SPATS2: variants seen among roughly 807,000 people sequenced by gnomAD.
SPATS2 encodes spermatogenesis associated serine rich 2.
SPATS2 carries 38 observed loss-of-function variants against 63.7 expected under a neutral mutation model. The ratio of observed to expected loss-of-function variants is 0.60; its 90% CI spans 0.46 to 0.78. The LOEUF is 0.78. Ranked by LOEUF, SPATS2 falls within the 30% of genes least tolerant of loss-of-function variation. SPATS2 has a pLI of 0.00. For missense variants in SPATS2, 588 were observed against 666.2 expected (o/e 0.88, Z 1.29); for synonymous variants, 207 against 232.9 (o/e 0.89, Z 1.01).
intron 2 of SPATS2, among the ~76,000 whole-genome samples, chr12:49,455,532 C>T (rs562503484): frequency 6.6e-6 from 1 of 152,152 alleles, no homozygotes; most frequent in East Asian, 1.9e-4. Context: ...CTTAGCCTTC[C>T]GAGTAGCTGG....
At chr12:49,450,860 TGTTTTG>T (rs1945609942) in intron 2 of SPATS2, among the ~76,000 whole-genome samples, 1 of 150,382 alleles carries the variant, frequency 6.6e-6, no homozygotes, top group African/African-American at 2.4e-5. Flanking sequence ...TGTTTTGTTT[TGTTTTG>T]TTTTTTGTTT....
intron 2 of SPATS2, among the ~76,000 whole-genome samples, chr12:49,379,165 C>T (rs1944164041): frequency 6.7e-6 from 1 of 149,034 alleles, no homozygotes; most frequent in African/African-American, 2.5e-5. Flanking sequence ...CATGATCCAC[C>T]CACCTCGGCC....
chr12:49,524,552 A>T, intron 12 of SPATS2, 130 bp from the exon 13 acceptor site: 4 of 934,074 alleles, frequency 4.3e-6, no homozygotes, highest in South Asian at 3.5e-5. Flanking sequence ...TACCAGTTTT[A>T]TAGGTTTTTC....
intron 2 of SPATS2, among the ~76,000 whole-genome samples, chr12:49,431,325 T>C (rs748318639): frequency 6.6e-6 from 1 of 152,158 alleles, no homozygotes; most frequent in Non-Finnish European, 1.5e-5. Flanking sequence ...CTTGGCTCAC[T>C]GCAACCTCCG....
chr12:49,499,500 G>T (rs1192586540), intron 8 of SPATS2, among the ~76,000 whole-genome samples: 21 of 150,964 alleles, frequency 1.4e-4, no homozygotes, highest in African/African-American at 5.1e-4. Context: ...TTCCAGTCTT[G>T]GGTAGTTTCT....
chr12:49,450,943 G>A lies in SPATS2; in HGVS notation c.-243-9827G>A, dbSNP rs117524628. Among the ~76,000 whole-genome samples the A allele has an allele frequency of 5.7e-3, 856 of 149,766 alleles. 28 individuals carry two copies. In the East Asian group the frequency reaches 0.088, roughly 15 times the overall value. On this transcript the variant is annotated intron_variant, in intron 2 of 13. Coordinates refer to ENST00000552918, the MANE Select transcript of SPATS2 (RefSeq NM_023071.4). ...GAGTGCAGTTACACGATCTCGGCTC[G>A]CTGGAACCTCTGCCTCCTGGACTCA...
intron 2 of SPATS2, among the ~76,000 whole-genome samples, chr12:49,446,109 GC>G (rs1945506394): frequency 6.6e-6 from 1 of 151,464 alleles, no homozygotes; most frequent in Non-Finnish European, 1.5e-5. Context: ...TCACCATGTT[GC>G]CCAAGGTGGT....
chr12:49,480,594 A>G (rs1024073609), intron 3 of SPATS2, among the ~76,000 whole-genome samples: 10 of 152,206 alleles, frequency 6.6e-5, no homozygotes, highest in African/African-American at 2.2e-4. Flanking sequence ...TGGATGTACA[A>G]AACACCTCTT....
At chr12:49,401,645 C>A (rs897332241) in intron 2 of SPATS2, among the ~76,000 whole-genome samples, 3 of 152,146 alleles carry the variant, frequency 2.0e-5, no homozygotes, top group Non-Finnish European at 4.4e-5. Flanking sequence ...TCCTTGATAT[C>A]AAATATCCTG....
Position 49,407,907 on chromosome 12 carries a change from TGACA to T in SPATS2, c.-244+36621_-244+36624del, listed in dbSNP as rs563155986. On this transcript the variant is annotated intron_variant, in intron 2 of 13. Coordinates refer to ENST00000552918, the MANE Select transcript of SPATS2 (RefSeq NM_023071.4). ...CCGCCAACAGCAGAGCTGAGTATTG[TGACA>T]GACCGTATGTCCAGCAAAGCCTAAA... 1.3e-4 allele frequency among the ~76,000 whole-genome samples: 20 copies of T among 152,354 alleles called. No individual in the cohort carries two copies. In the East Asian group the frequency reaches 3.3e-3, roughly 25 times the overall value.
At chr12:49,498,145 A>AAAAAATATATATATATATATAT (rs66900382) in intron 8 of SPATS2, among the ~76,000 whole-genome samples, 11 of 98,952 alleles carry the variant, frequency 1.1e-4, no homozygotes, top group Non-Finnish European at 1.3e-4. Context: ...AAAAAAAAAA[A>AAAAAATATATATATATATATAT]ATATATATAT....
At chr12:49,389,128 C>T (rs1431438015) in intron 2 of SPATS2, among the ~76,000 whole-genome samples, 2 of 152,010 alleles carry the variant, frequency 1.3e-5, no homozygotes, top group African/African-American at 4.8e-5. Flanking sequence ...AGATTAATAT[C>T]TTTGACTTCC....
Position 49,410,663 on chromosome 12 carries a change from A to G in SPATS2, c.-244+39373A>G, listed in dbSNP as rs534980708. Among the ~76,000 whole-genome samples, 33 of 152,278 alleles carry G rather than the reference A, an allele frequency of 2.2e-4. 1 individual carries two copies. Among genetic ancestry groups the G allele is most frequent in the African/African-American group, 7.0e-4 (29 of 41,560 alleles). ...TTTCTTACATAAGAGATAAAAGCAG[A>G]CCATCTATTCATTTATGCAAAGTTT... On this transcript the variant is annotated intron_variant, in intron 2 of 13. Coordinates refer to ENST00000552918, the MANE Select transcript of SPATS2 (RefSeq NM_023071.4).
chr12:49,404,276 T>C (rs989828600), intron 2 of SPATS2, among the ~76,000 whole-genome samples: 7 of 146,834 alleles, frequency 4.8e-5, no homozygotes, highest in Non-Finnish European at 1.1e-4. Context: ...GTTACAGACT[T>C]TTTTTTTTTT....
chr12:49,407,547 C>T (rs1944718320), intron 2 of SPATS2, among the ~76,000 whole-genome samples: 1 of 152,036 alleles, frequency 6.6e-6, no homozygotes, highest in South Asian at 2.1e-4. Context: ...TTGCTGTTAC[C>T]TCTCCTAGAA....
intron 9 of SPATS2, among the ~76,000 whole-genome samples, chr12:49,508,834 C>T (rs1485641718): frequency 2.0e-5 from 3 of 151,772 alleles, no homozygotes; most frequent in East Asian, 1.9e-4. Flanking sequence ...GAGGCCAAGG[C>T]GGGTGGATCA....
chr12:49,524,187 A>G (rs1480387129), intron 12 of SPATS2, among the ~76,000 whole-genome samples: 2 of 152,236 alleles, frequency 1.3e-5, no homozygotes, highest in Non-Finnish European at 2.9e-5. Context: ...AGTTCTATTC[A>G]TATTTAACTG....
intron 3 of SPATS2, among the ~76,000 whole-genome samples, chr12:49,472,854 A>G (rs150044159): frequency 2.0e-3 from 295 of 150,498 alleles, no homozygotes; most frequent in African/African-American, 6.6e-3. Flanking sequence ...AGCCTGGGCA[A>G]CATGGCTAAA....
At chr12:49,479,385 T>C (rs1946169863) in intron 3 of SPATS2, among the ~76,000 whole-genome samples, 1 of 152,208 alleles carries the variant, frequency 6.6e-6, no homozygotes, top group South Asian at 2.1e-4. Context: ...TTGCTGAGAC[T>C]GGAGCAGGTG....
Sources: gnomAD v4.1 joint callset for allele counts (sites outside exome capture counted in the v4.1 genomes callset) on GRCh38, gnomAD v4.1.1 for gene constraint, MANE v1.5 for transcripts, NCBI Gene and HGNC (gene_info 2026-07-23, HGNC 2026-07-21) for gene names.